The following FHL5 variants were observed in gnomAD, a reference collection of about 807,000 sequenced individuals.
FHL5 encodes four and a half LIM domains 5.
In FHL5, 33 loss-of-function variants were observed where a neutral mutation model predicts 32.0. The observed-to-expected ratio is 1.03, with a 90% CI of 0.78 to 1.38. The LOEUF is 1.38. Ranked by LOEUF, FHL5 falls within the 40% of genes most tolerant of loss-of-function variation. The pLI is 0.00. For missense variants in FHL5, 336 were observed against 343.9 expected, an observed-to-expected ratio of 0.98 and a Z score of 0.18; for synonymous variants, 114 against 113.6, an observed-to-expected ratio of 1.00 and a Z score of -0.02.
At chr6:96,564,390 T>C (rs1770309207) in intron 1 of FHL5, among the ~76,000 whole-genome samples, 2 of 152,174 alleles carry the variant, frequency 1.3e-5, no homozygotes, top group South Asian at 2.1e-4. Context: ...AAGGGGAAGG[T>C]AAACTCTAGT....
intron 1 of FHL5, among the ~76,000 whole-genome samples, chr6:96,589,536 AT>A (rs1174424790): frequency 1.3e-4 from 20 of 151,688 alleles, no homozygotes; most frequent in Non-Finnish European, 1.0e-4. Context: ...TGGGTGGTCC[AT>A]TTTTTTTCTT....
At chr6:96,577,377 C>A (rs1770605323) in intron 1 of FHL5, among the ~76,000 whole-genome samples, 1 of 151,976 alleles carries the variant, frequency 6.6e-6, no homozygotes. Flanking sequence ...ACCCCCCCAA[C>A]ACACATACAC....
chr6:96,598,962 C>T (rs988094290), intron 1 of FHL5, among the ~76,000 whole-genome samples: 12 of 152,230 alleles, frequency 7.9e-5, no homozygotes, highest in South Asian at 2.1e-4. Flanking sequence ...AGGGATGGCA[C>T]CTAGTCCTTG....
At chr6:96,579,429 G>A (rs1241566361) in intron 1 of FHL5, among the ~76,000 whole-genome samples, 2 of 152,094 alleles carry the variant, frequency 1.3e-5, no homozygotes, top group South Asian at 2.1e-4. Flanking sequence ...TGTCAATAAT[G>A]TTGGCATTTG....
At chr6:96,615,312 T>C (rs1192152810) in intron 5 of FHL5, among the ~76,000 whole-genome samples, 1 of 152,200 alleles carries the variant, frequency 6.6e-6, no homozygotes, top group Non-Finnish European at 1.5e-5. Context: ...CTTATCTGGC[T>C]TAGACAACCT....
At chr6:96,613,875 G>A (rs1771463363) in intron 5 of FHL5, among the ~76,000 whole-genome samples, 1 of 152,108 alleles carries the variant, frequency 6.6e-6, no homozygotes, top group South Asian at 2.1e-4. Context: ...GGCTGTATAC[G>A]GTAACACACA....
chr6:96,607,050 A>C (rs995156993), intron 4 of FHL5, among the ~76,000 whole-genome samples: 3 of 152,112 alleles, frequency 2.0e-5, no homozygotes, highest in Admixed American at 1.3e-4. Context: ...ATTTTCTAAG[A>C]GAAAAAAAAA....
chr6:96,590,836 G>A (rs948204956), intron 1 of FHL5, among the ~76,000 whole-genome samples: 6 of 151,942 alleles, frequency 3.9e-5, no homozygotes, highest in East Asian at 1.9e-4. Context: ...CAGCTGCTGA[G>A]GTAATTTTAC....
At chr6:96,575,124 G>A (rs1770557552) in intron 1 of FHL5, among the ~76,000 whole-genome samples, 1 of 152,164 alleles carries the variant, frequency 6.6e-6, no homozygotes, top group Admixed American at 6.6e-5. Flanking sequence ...AATAGGTCCT[G>A]CTGCCTAATT....
intron 2 of FHL5, 56 bp from the exon 3 acceptor site, chr6:96,604,694 A>C: frequency 7.0e-7 from 1 of 1,429,270 alleles, no homozygotes; most frequent in East Asian, 2.3e-5. Flanking sequence ...TTGTTTCATA[A>C]AATGGCCTGT....
intron 2 of FHL5, 129 bp downstream of exon 2, chr6:96,603,901 A>T: frequency 1.5e-6 from 1 of 681,150 alleles, no homozygotes; most frequent in South Asian, 1.9e-5. Context: ...GGATCTTAAA[A>T]GTTACCAGCA....
chr6:96,614,488 TA>T (rs980537176), intron 5 of FHL5, among the ~76,000 whole-genome samples: 3 of 152,206 alleles, frequency 2.0e-5, no homozygotes, highest in Admixed American at 1.3e-4. Context: ...ATAAGTTTGT[TA>T]GGATGGAAAC....
At chr6:96,602,031 C>G (rs947724167) in intron 1 of FHL5, among the ~76,000 whole-genome samples, 1 of 152,190 alleles carries the variant, frequency 6.6e-6, no homozygotes, top group African/African-American at 2.4e-5. Context: ...TCCAAATCCT[C>G]TGCCTTTTCT....
At chr6:96,584,309 TG>T (rs1438202326) in intron 1 of FHL5, among the ~76,000 whole-genome samples, 2 of 152,052 alleles carry the variant, frequency 1.3e-5, no homozygotes, top group African/African-American at 4.8e-5. Context: ...ATGAGGTAGA[TG>T]GGGAGCAAAG....
chr6:96,568,543 GTTC>G (rs1235885501), intron 1 of FHL5, among the ~76,000 whole-genome samples: 1 of 151,866 alleles, frequency 6.6e-6, no homozygotes, highest in Non-Finnish European at 1.5e-5. Context: ...ATTTGTATTA[GTTC>G]TTCTATAAAT....
intron 1 of FHL5, among the ~76,000 whole-genome samples, chr6:96,581,922 C>T (rs1202366241): frequency 3.9e-5 from 6 of 152,148 alleles, no homozygotes. Context: ...GACTCAATCT[C>T]CAGGAAACAG....
intron 4 of FHL5, among the ~76,000 whole-genome samples, chr6:96,606,425 C>T (rs1334974123): frequency 6.6e-6 from 1 of 152,164 alleles, no homozygotes; most frequent in African/African-American, 2.4e-5. Flanking sequence ...AATCTCGGCT[C>T]ACTGCAACCT....
chr6:96,604,288 C>T (rs3798295), intron 2 of FHL5, among the ~76,000 whole-genome samples: 23,812 of 150,594 alleles, frequency 0.16, 2,043 homozygotes, highest in Middle Eastern at 0.25. Context: ...TTCCATCCTC[C>T]GATTATTTTC....
intron 4 of FHL5, 110 bp from the exon 5 acceptor site, chr6:96,610,462 T>TC: frequency 1.3e-6 from 1 of 781,826 alleles, no homozygotes; most frequent in Non-Finnish European, 2.1e-6. Flanking sequence ...CTTTTTTTTT[T>TC]CTTTTTGCTT....
Sources: allele counts gnomAD v4.1 joint callset (sites outside exome capture counted in the v4.1 genomes callset), GRCh38; gene constraint gnomAD v4.1.1; transcripts MANE v1.5; gene names NCBI Gene and HGNC (gene_info 2026-07-23, HGNC 2026-07-21).